Variants in ZSWIM5 observed in about 807,000 individuals in gnomAD.
ZSWIM5 encodes zinc finger SWIM domain-containing protein 5.
Under a neutral mutation model 119.6 loss-of-function variants are expected in ZSWIM5, and 55 were observed. The ratio of observed to expected loss-of-function variants is 0.46; its 90% CI spans 0.37 to 0.58. The LOEUF is 0.58. Among genes scored for constraint, ZSWIM5 ranks in the 20% least tolerant of loss-of-function variants. The pLI, the probability that ZSWIM5 is intolerant of heterozygous loss-of-function variation, is 0.00. For missense variants in ZSWIM5, 1,193 were observed against 1,512.8 expected, an observed-to-expected ratio of 0.79 and a Z score of 3.51; for synonymous variants, 537 against 606.9, an observed-to-expected ratio of 0.88 and a Z score of 1.69.
At chr1:45,044,747 ATATATATATAT>A (rs1557746378) in intron 5 of ZSWIM5, among the ~76,000 whole-genome samples, 32 of 1,438 alleles carry the variant, frequency 0.022, 9 homozygotes, top group African/African-American at 0.05. Context: ...AAAAAAAAAA[ATATATATATAT>A]ATATATATAT....
At position 45,019,222 on chromosome 1, in the gene ZSWIM5, G is replaced by A; in HGVS notation, c.2790C>T (p.His930=). The change falls in exon 14 of 14, where the codon CAC becomes CAT. Residue 930 remains histidine (H), a synonymous_variant. Transcript: ENST00000359600. The surrounding 1 kb of genome is among the most constrained non-coding windows in gnomAD (Gnocchi z 5.0). ...TSIVAATAVS[H]TTILRLSLDY... is the part of the protein sequence containing the mutation. ...CAAGACTGAGGCGCAGGATAGTGGT[G>A]TGGGATACGGCTGTGGCAGCTACAA... 6.2e-7 allele frequency: 1 copy of A among 1,613,724 alleles called. No homozygotes were observed. The highest frequency in any genetic ancestry group is 8.5e-7 in the Non-Finnish European group (1 of 1,180,032).
intron 2 of ZSWIM5, among the ~76,000 whole-genome samples, chr1:45,062,900 G>A (rs183011554): frequency 1.6e-4 from 24 of 152,212 alleles, no homozygotes; most frequent in Admixed American, 7.9e-4. Flanking sequence ...TGAGGTTTGG[G>A]GTAAAAATGA....
chr1:45,040,076 A>C (rs1282702548), intron 7 of ZSWIM5, among the ~76,000 whole-genome samples: 1 of 152,058 alleles, frequency 6.6e-6, no homozygotes, highest in East Asian at 1.9e-4. Context: ...GGCCTCAAGC[A>C]ATCCTCCTAC....
At chr1:45,040,353 T>G in intron 7 of ZSWIM5, 39 bp downstream of exon 7, 2 of 1,537,914 alleles carry the variant, frequency 1.3e-6, no homozygotes, top group Non-Finnish European at 1.8e-6. Flanking sequence ...CTCATCAGCT[T>G]TGGGCCTAAG....
rs1333374206 is a variant in ZSWIM5, at chr1:45,019,428, A to C, written c.2696-112T>G. On this transcript the variant is annotated intron_variant, in intron 13 of 13. Transcript: ENST00000359600. This position sits in a 1 kb window ranked among gnomAD's most constrained non-coding sequence, Gnocchi z 5.0. ...CTGCAGAGATGAATTCTTCCTCCTCAGCAACCTTGAGATGATATGAGGCAA... is the reference window on the plus strand; with the variant it reads ...CTGCAGAGATGAATTCTTCCTCCTCCGCAACCTTGAGATGATATGAGGCAA... The C allele has an allele frequency of 7.1e-7, 1 of 1,407,488 alleles. No individual in the cohort carries two copies. The highest frequency in any genetic ancestry group is 1.4e-5 in the African/African-American group (1 of 70,084). The allele number at this position is 1,407,488 out of a possible 1,614,324, so 87.2% of individuals were successfully genotyped here.
At chr1:45,178,104 G>C (rs1472883108) in intron 1 of ZSWIM5, among the ~76,000 whole-genome samples, 1 of 152,018 alleles carries the variant, frequency 6.6e-6, no homozygotes, top group Admixed American at 6.6e-5. Context: ...AAACCCCACG[G>C]ATAGCAAGGG....
intron 1 of ZSWIM5, among the ~76,000 whole-genome samples, chr1:45,159,598 T>G (rs1195210752): frequency 6.6e-6 from 1 of 152,010 alleles, no homozygotes; most frequent in Admixed American, 6.6e-5. Flanking sequence ...ATGATTCAAT[T>G]TTTTTTTTCA....
chr1:45,147,370 CAA>C (rs1645768003), intron 1 of ZSWIM5, among the ~76,000 whole-genome samples: 1 of 151,972 alleles, frequency 6.6e-6, no homozygotes, highest in African/African-American at 2.4e-5. Flanking sequence ...CATACTAATT[CAA>C]GAGACAATTT....
At chr1:45,048,963 A>G (rs560598582) in intron 5 of ZSWIM5, among the ~76,000 whole-genome samples, 36 of 152,262 alleles carry the variant, frequency 2.4e-4, no homozygotes, top group Admixed American at 1.4e-3. Flanking sequence ...TCTACAAAAA[A>G]TACACTCACA....
chr1:45,188,453 G>A (rs1646071964), intron 1 of ZSWIM5, among the ~76,000 whole-genome samples: 1 of 152,194 alleles, frequency 6.6e-6, no homozygotes, highest in African/African-American at 2.4e-5. Context: ...TTGGATTGGG[G>A]AGTGACAGCT....
intron 1 of ZSWIM5, among the ~76,000 whole-genome samples, chr1:45,162,565 C>T (rs186809569): frequency 9.2e-5 from 14 of 152,354 alleles, no homozygotes; most frequent in African/African-American, 3.4e-4. Context: ...AATTCCCTTT[C>T]CTAGCCAAGG....
chr1:45,050,966 T>C (rs949611774), intron 5 of ZSWIM5, 108 bp downstream of exon 5: 1 of 1,087,128 alleles, frequency 9.2e-7, no homozygotes, highest in Non-Finnish European at 1.3e-6. Flanking sequence ...TTATTTAGAA[T>C]GGCAATTCTG....
intron 1 of ZSWIM5, among the ~76,000 whole-genome samples, chr1:45,114,918 C>T (rs1474026813): frequency 6.6e-6 from 1 of 152,104 alleles, no homozygotes; most frequent in Non-Finnish European, 1.5e-5. Context: ...TCCATTTAAC[C>T]CTTAGTGGAC....
Position 45,072,352 on chromosome 1 carries a change from T to G in ZSWIM5, c.953-12105A>C, listed in dbSNP as rs1287939269. On this transcript the variant is annotated intron_variant, in intron 2 of 13. Transcript: ENST00000359600. The surrounding 1 kb of genome is among the most constrained non-coding windows in gnomAD (Gnocchi z 4.1). The stretch of plus-strand genomic sequence containing the variant: ...TTGTCAGATGGGTAGTTTGCTAATA[T>G]TTTCTCCCATTCTGTGGTTTGTCTC... Among the ~76,000 whole-genome samples the G allele has an allele frequency of 1.3e-5, 2 of 152,124 alleles. No homozygotes were observed. The highest frequency in any genetic ancestry group is 4.8e-5 in the African/African-American group (2 of 41,376).
At chr1:45,202,798 A>G (rs1646165645) in intron 1 of ZSWIM5, among the ~76,000 whole-genome samples, 1 of 152,072 alleles carries the variant, frequency 6.6e-6, no homozygotes, top group Admixed American at 6.5e-5. Context: ...GTTTTACCAA[A>G]TACAAAGAAA....
At chr1:45,082,515 T>A (rs1645299810) in intron 2 of ZSWIM5, among the ~76,000 whole-genome samples, 1 of 152,218 alleles carries the variant, frequency 6.6e-6, no homozygotes, top group African/African-American at 2.4e-5. Flanking sequence ...CTTCTTCTTA[T>A]TCAGTCCTCA....
rs573948584 is a variant in ZSWIM5 at position 45,057,222 on chromosome 1, A to G, written c.1252+1387T>C. 7.2e-5 allele frequency among the ~76,000 whole-genome samples: 11 copies of G among 152,328 alleles called. No individual in the cohort carries two copies. The highest frequency in any genetic ancestry group is 2.4e-4 in the African/African-American group (10 of 41,590). On this transcript the variant is annotated intron_variant, in intron 4 of 13. Transcript: ENST00000359600. The surrounding 1 kb of genome is among the most constrained non-coding windows in gnomAD (Gnocchi z 4.7). ...ACCTACTAATTCAGAAACTCGGGAT[A>G]GGGCCCAGTGATCTGTTTAAACAAG...
At chr1:45,122,733 T>C (rs1645600267) in intron 1 of ZSWIM5, among the ~76,000 whole-genome samples, 1 of 151,998 alleles carries the variant, frequency 6.6e-6, no homozygotes, top group Non-Finnish European at 1.5e-5. Context: ...AAAAGCCTGC[T>C]CTCTCTAACT....
At chr1:45,168,052 T>C (rs538692438) in intron 1 of ZSWIM5, among the ~76,000 whole-genome samples, 2 of 152,230 alleles carry the variant, frequency 1.3e-5, no homozygotes, top group South Asian at 2.1e-4. Flanking sequence ...CTATTCACAA[T>C]AGCAAAGACT....
Sources: gnomAD v4.1 joint callset for allele counts (sites outside exome capture counted in the v4.1 genomes callset) on GRCh38, gnomAD v4.1.1 for gene constraint, Gnocchi (gnomAD v3.1) non-coding constraint, MANE v1.5 for transcripts, NCBI Gene and HGNC (gene_info 2026-07-23, HGNC 2026-07-21) for gene names.